CLDN16: variants seen among roughly 807,000 people sequenced by gnomAD.
CLDN16 encodes claudin-16.
In CLDN16, 13 loss-of-function variants were observed where a neutral mutation model predicts 24.6. The observed-to-expected ratio is 0.53, with a 90% CI of 0.34 to 0.84. CLDN16 has a LOEUF of 0.84. Ranked by LOEUF, CLDN16 falls within the 40% of genes least tolerant of loss-of-function variation. The probability of loss-of-function intolerance (pLI) is 0.01; values close to 1 mark genes in which losing one functional copy is unlikely to be tolerated. For synonymous variants in CLDN16, 116 were observed against 106.7 expected, an observed-to-expected ratio of 1.09 and a Z score of -0.54; for missense variants, 298 against 292.7, an observed-to-expected ratio of 1.02 and a Z score of -0.13.
intron 1 of CLDN16, among the ~76,000 whole-genome samples, chr3:190,396,388 G>A (rs1208136689): frequency 2.0e-5 from 3 of 152,148 alleles, no homozygotes; most frequent in Non-Finnish European, 2.9e-5. Context: ...ATTTAGTCAA[G>A]TAGAAATTGC....
At chr3:190,294,074 G>T in the CLDN16 span, among the ~76,000 whole-genome samples, 6 of 152,204 alleles carry the variant, frequency 3.9e-5, no homozygotes, top group Admixed American at 3.3e-4. Context: ...GGAGAAACCA[G>T]AGGCTGTCTA....
At chr3:190,326,405 T>G (rs570597595) in intron 1 of CLDN16, among the ~76,000 whole-genome samples, 3 of 152,162 alleles carry the variant, frequency 2.0e-5, no homozygotes, top group Non-Finnish European at 4.4e-5. Context: ...GAAGACACAA[T>G]GTTGTGTTCA....
At chr3:190,327,472 C>G (rs1717089518) in intron 1 of CLDN16, among the ~76,000 whole-genome samples, 1 of 152,146 alleles carries the variant, frequency 6.6e-6, no homozygotes, top group East Asian at 1.9e-4. Context: ...GTTGTATAAA[C>G]TTACTTAGTG....
chr3:190,332,537 AT>A (rs1717204411), intron 1 of CLDN16, among the ~76,000 whole-genome samples: 1 of 152,170 alleles, frequency 6.6e-6, no homozygotes, highest in African/African-American at 2.4e-5. Flanking sequence ...CACCTGTGCA[AT>A]TTCTAAGGAT....
intron 4 of CLDN16, among the ~76,000 whole-genome samples, chr3:190,409,479 CTA>C (rs201838026): frequency 6.6e-5 from 10 of 151,028 alleles, no homozygotes; most frequent in African/African-American, 9.7e-5. Flanking sequence ...TGTGAATTTT[CTA>C]TATATATATA....
At chr3:190,315,906 G>A in the CLDN16 span, among the ~76,000 whole-genome samples, 1 of 152,136 alleles carries the variant, frequency 6.6e-6, no homozygotes, top group African/African-American at 2.4e-5. Flanking sequence ...AGGAACACAT[G>A]TGCATAAACT....
At chr3:190,336,647 A>G (rs1396030567) in intron 1 of CLDN16, among the ~76,000 whole-genome samples, 2 of 152,212 alleles carry the variant, frequency 1.3e-5, no homozygotes, top group African/African-American at 4.8e-5. Flanking sequence ...TAGTTGCATA[A>G]AAGTTATCTC....
At chr3:190,308,140 TTTTG>T in the CLDN16 span, 98 of 1,048,580 alleles carry the variant, frequency 9.3e-5, no homozygotes, top group Middle Eastern at 2.9e-4. Context: ...CACATGGGTT[TTTTG>T]TTTGTTTGTT....
chr3:190,333,767 C>T (rs569143888), intron 1 of CLDN16, among the ~76,000 whole-genome samples: 3 of 152,086 alleles, frequency 2.0e-5, no homozygotes, highest in Non-Finnish European at 4.4e-5. Flanking sequence ...CTCTCTATTA[C>T]ACACATTTAC....
At chr3:190,330,345 G>A (rs1458170608) in intron 1 of CLDN16, among the ~76,000 whole-genome samples, 2 of 152,126 alleles carry the variant, frequency 1.3e-5, no homozygotes, top group East Asian at 3.8e-4. Context: ...TGTTCTAACT[G>A]AGGCTCACTC....
At chr3:190,382,371 T>G (rs1718388249) in intron 3 of CLDN16, among the ~76,000 whole-genome samples, 1 of 152,172 alleles carries the variant, frequency 6.6e-6, no homozygotes, top group African/African-American at 2.4e-5. Flanking sequence ...AATGATTCAC[T>G]GAGTAATTGC....
intron 1 of CLDN16, among the ~76,000 whole-genome samples, chr3:190,364,136 G>A (rs1039792510): frequency 3.3e-5 from 5 of 151,682 alleles, no homozygotes; most frequent in Non-Finnish European, 7.4e-5. Flanking sequence ...CTTTTTCCTC[G>A]TCCTTCAGCC....
At chr3:190,353,201 G>A (rs1170207670) in intron 1 of CLDN16, among the ~76,000 whole-genome samples, 3 of 152,038 alleles carry the variant, frequency 2.0e-5, no homozygotes, top group Non-Finnish European at 2.9e-5. Context: ...TTAACTGTAA[G>A]ACTATGCCAC....
chr3:190,350,159 AAGAATCCAGT>A (rs200803715), intron 1 of CLDN16, among the ~76,000 whole-genome samples: 2,178 of 152,210 alleles, frequency 0.014, 48 homozygotes, highest in African/African-American at 0.05. Flanking sequence ...TGAAGATTCT[AAGAATCCAGT>A]AGAATCCAGT....
At chr3:190,349,979 G>A (rs1357265052) in intron 1 of CLDN16, among the ~76,000 whole-genome samples, 1 of 152,046 alleles carries the variant, frequency 6.6e-6, no homozygotes, top group Non-Finnish European at 1.5e-5. Flanking sequence ...TTGAATTTCG[G>A]GTGGTTTGGT....
chr3:190,311,442 T>C, the CLDN16 span, among the ~76,000 whole-genome samples: 1 of 152,136 alleles, frequency 6.6e-6, no homozygotes, highest in African/African-American at 2.4e-5. Flanking sequence ...ACCACATCTT[T>C]AGCAAAGCCA....
intron 1 of CLDN16, among the ~76,000 whole-genome samples, chr3:190,340,581 A>G (rs1452353591): frequency 6.6e-6 from 1 of 152,166 alleles, no homozygotes; most frequent in Non-Finnish European, 1.5e-5. Context: ...CGTGGGAGTT[A>G]CAAATCAAGA....
At chr3:190,363,009 T>A (rs1049166042) in intron 1 of CLDN16, among the ~76,000 whole-genome samples, 1 of 151,998 alleles carries the variant, frequency 6.6e-6, no homozygotes, top group Non-Finnish European at 1.5e-5. Flanking sequence ...AAAATCAAAT[T>A]CAAAAATTTT....
chr3:190,300,883 A>G, the CLDN16 span, among the ~76,000 whole-genome samples: 1 of 152,196 alleles, frequency 6.6e-6, no homozygotes, highest in Non-Finnish European at 1.5e-5. Flanking sequence ...TGTGACCCTA[A>G]CACACCAGAT....
Sources: gnomAD v4.1 joint callset for allele counts (sites outside exome capture counted in the v4.1 genomes callset) on GRCh38, gnomAD v4.1.1 for gene constraint, MANE v1.5 for transcripts, NCBI Gene and HGNC (gene_info 2026-07-23, HGNC 2026-07-21) for gene names.